Variants in SLC25A37 observed in about 807,000 individuals in gnomAD.
SLC25A37 encodes mitoferrin-1.
In SLC25A37, 17 loss-of-function variants were observed where a neutral mutation model predicts 31.0. The observed-to-expected ratio is 0.55, with a 90% confidence interval of 0.38 to 0.82. The LOEUF is 0.82. Among genes scored for constraint, SLC25A37 ranks in the 40% least tolerant of loss-of-function variants. SLC25A37 has a pLI of 0.00. For missense variants in SLC25A37, 404 were observed against 465.8 expected, an observed-to-expected ratio of 0.87 and a Z score of 1.22; for synonymous variants, 222 against 193.0, an observed-to-expected ratio of 1.15 and a Z score of -1.24.
Position 23,528,993 on chromosome 8 carries a change from G to T in SLC25A37, c.-10G>T, listed in dbSNP as rs1388119970. ...CTCCTGCAGCCTCCTGCGCCCCGCC[G>T]AGCTGGCGGATGGAGCTGCGCAGCG... On this transcript the variant is annotated 5_prime_UTR_variant, in exon 1 of 4. Transcript: ENST00000519973. 5 of 1,489,074 alleles carry T rather than the reference G, an allele frequency of 3.4e-6. No individual in the cohort carries two copies. The highest frequency in any genetic ancestry group is 4.5e-6 in the Non-Finnish European group (5 of 1,117,058). The allele number at this position is 1,489,074 out of a possible 1,614,324, so 92.2% of individuals were successfully genotyped here. A position where few individuals can be genotyped will look rare whatever the true frequency, so the allele number is the denominator to read the frequency against.
intron 1 of SLC25A37, among the ~76,000 whole-genome samples, chr8:23,548,603 T>TG (rs1343598761): frequency 6.6e-6 from 1 of 151,822 alleles, no homozygotes; most frequent in Non-Finnish European, 1.5e-5. Context: ...CCCAAGTAGC[T>TG]GGGATTACAG....
At chr8:23,565,316 G>A (rs1481061684) in intron 1 of SLC25A37, among the ~76,000 whole-genome samples, 1 of 152,132 alleles carries the variant, frequency 6.6e-6, no homozygotes, top group Non-Finnish European at 1.5e-5. Context: ...CATCACACCT[G>A]TGCAAGCGCT....
At chr8:23,570,079 T>A (rs1443414226) in intron 3 of SLC25A37, among the ~76,000 whole-genome samples, 1 of 152,012 alleles carries the variant, frequency 6.6e-6, no homozygotes, top group Non-Finnish European at 1.5e-5. Flanking sequence ...TGGGGCAGGT[T>A]GGGAGGTGGG....
At chr8:23,532,013 CTG>C (rs1178570917) in intron 1 of SLC25A37, 11 of 152,324 alleles carry the variant, frequency 7.2e-5, no homozygotes, top group African/African-American at 2.2e-4. Flanking sequence ...GTGTGTGTCT[CTG>C]AGTGCATTTT....
Position 23,571,426 on chromosome 8 carries a change from C to A in SLC25A37, c.588C>A (p.Ala196=). The A allele has an allele frequency of 6.2e-7, 1 of 1,613,970 alleles. No homozygotes were observed. Among genetic ancestry groups the A allele is most frequent in the South Asian group, 1.1e-5 (1 of 91,080 alleles). Residue 196 remains alanine, a synonymous_variant, in exon 4 of 4, where the codon GCC becomes GCA. Coordinates refer to ENST00000519973, the MANE Select transcript of SLC25A37 (RefSeq NM_016612.4). ...RTVWRTEGLG[A]FYRSYTTQLT... ...TGTGGAGGACCGAGGGGTTGGGGGC[C>A]TTCTACCGGAGCTACACCACGCAGC...
At chr8:23,559,362 TGCGCGCGC>T (rs201664347) in intron 1 of SLC25A37, among the ~76,000 whole-genome samples, 1 of 151,272 alleles carries the variant, frequency 6.6e-6, no homozygotes, top group South Asian at 2.1e-4. Flanking sequence ...TGCGTGTGTG[TGCGCGCGC>T]GCGTGTGTGT....
chr8:23,543,178 CCCT>C (rs1801944841), intron 1 of SLC25A37: 1 of 152,034 alleles, frequency 6.6e-6, no homozygotes, highest in Admixed American at 6.6e-5. Flanking sequence ...AAGGAATCCT[CCCT>C]CCTCAGCCTC....
Position 23,571,666 on chromosome 8 carries a change from C to T in SLC25A37, c.828C>T (p.Ser276=), listed in dbSNP as rs1802847351. Residue 276 remains serine, a synonymous_variant, in exon 4 of 4, where the codon AGC becomes AGT. Transcript: ENST00000519973. Reference sequence around the variant, plus strand: ...TGGCCCTCTCGCTGGCCAACATCAGCGGCCGGCTGTCGGGTATGGCCAATG... The same window carrying T: ...TGGCCCTCTCGCTGGCCAACATCAGTGGCCGGCTGTCGGGTATGGCCAATG... The part of the protein sequence containing the change: ...ENVALSLANI[S]GRLSGMANAF... 3 of 1,613,946 alleles carry T rather than the reference C, an allele frequency of 1.9e-6. No homozygotes were observed. Among genetic ancestry groups the T allele is most frequent in the African/African-American group, 2.7e-5 (2 of 75,050 alleles).
At chr8:23,568,529 T>A in intron 3 of SLC25A37, 151 bp downstream of exon 3, 1 of 814,022 alleles carries the variant, frequency 1.2e-6, no homozygotes, top group Non-Finnish European at 2.1e-6. Context: ...TTTACTACGT[T>A]ATCAAAGGCC....
intron 1 of SLC25A37, chr8:23,532,012 T>C (rs1801671459): frequency 6.6e-6 from 1 of 152,244 alleles, no homozygotes; most frequent in Admixed American, 6.5e-5. Flanking sequence ...TGTGTGTGTC[T>C]CTGAGTGCAT....
intron 1 of SLC25A37, among the ~76,000 whole-genome samples, chr8:23,545,090 G>C (rs1250631866): frequency 6.6e-6 from 1 of 152,226 alleles, no homozygotes; most frequent in Non-Finnish European, 1.5e-5. Context: ...CATGTGACGT[G>C]TGCAGGTTTA....
At chr8:23,571,121 G>A (rs539157353) in intron 3 of SLC25A37, among the ~76,000 whole-genome samples, 96 of 152,330 alleles carry the variant, frequency 6.3e-4, no homozygotes, top group African/African-American at 2.2e-3. Context: ...CGTGAGTCCT[G>A]GAGATAAAAA....
At chr8:23,566,687 T>C in intron 2 of SLC25A37, 3 of 1,004,574 alleles carry the variant, frequency 3.0e-6, no homozygotes, top group African/African-American at 3.5e-5. Flanking sequence ...AAACCCTGAA[T>C]AGAAACAAAA....
At chr8:23,560,637 C>T (rs987779252) in intron 1 of SLC25A37, among the ~76,000 whole-genome samples, 3 of 152,220 alleles carry the variant, frequency 2.0e-5, no homozygotes, top group Admixed American at 6.5e-5. Context: ...GGGGCCTGAC[C>T]AGGCCCATCT....
chr8:23,555,900 A>G lies in SLC25A37; in HGVS notation c.211-10208A>G, dbSNP rs543091329. ...AGGCCTTCCTGTAGGTGAGGCAGGG[A>G]AAGCCACGTAGACCTGATTTAGTTG... is the stretch of plus-strand genomic sequence containing the variant. On this transcript the variant is annotated intron_variant, in intron 1 of 3. Transcript: ENST00000519973. Among the ~76,000 whole-genome samples the G allele has an allele frequency of 2.6e-5, 4 of 152,356 alleles. No individual in the cohort carries two copies. The East Asian group carries it at 7.7e-4, about 29-fold the overall frequency.
intron 2 of SLC25A37, 56 bp from the exon 3 acceptor site, chr8:23,568,266 G>A: frequency 6.3e-7 from 1 of 1,598,146 alleles, no homozygotes; most frequent in Non-Finnish European, 8.6e-7. Flanking sequence ...TAGGTTCCAG[G>A]AACTTCCTGA....
chr8:23,565,964 A>C, intron 1 of SLC25A37, 144 bp from the exon 2 acceptor site: 1 of 1,217,740 alleles, frequency 8.2e-7, no homozygotes. Flanking sequence ...ATTCATTTTG[A>C]TTTCAAATAT....
chr8:23,534,373 A>G (rs529793134), intron 1 of SLC25A37, among the ~76,000 whole-genome samples: 1 of 152,196 alleles, frequency 6.6e-6, no homozygotes, highest in Non-Finnish European at 1.5e-5. Flanking sequence ...CCAGTCTTTG[A>G]CTTACTGGTT....
rs766090334 is a variant in SLC25A37, at chr8:23,566,195, T to C, written c.298T>C (p.Phe100Leu). The change falls in exon 2 of 4, where the codon TTC becomes CTC. Residue 100 changes from phenylalanine (F) to leucine (L), a missense_variant. Around this residue, in one of 3 missense-constraint regions of SLC25A37, gnomAD observed 154 missense variants for 153.6 expected, o/e 1.00. Transcript: ENST00000519973. ...CAAGAAAATCATGCGGACCGAAGGC[T>C]TCTGGAGGCCCTTGCGAGGCGTCAA... ...ALKKIMRTEGFWRPLRGVNVM... is the reference protein window; with the variant it reads ...ALKKIMRTEGLWRPLRGVNVM... 6.2e-7 allele frequency: 1 copy of C among 1,606,142 alleles called. No homozygotes were observed. The highest frequency in any genetic ancestry group is 8.5e-7 in the Non-Finnish European group (1 of 1,177,222).
Sources: gnomAD v4.1 joint callset for allele counts (sites outside exome capture counted in the v4.1 genomes callset) on GRCh38, gnomAD v4.1.1 for gene constraint, gnomAD v4.1.1 regional missense constraint, MANE v1.5 for transcripts, NCBI Gene and HGNC (gene_info 2026-07-23, HGNC 2026-07-21) for gene names.